Variants in VAT1L observed in about 807,000 individuals in gnomAD.
VAT1L encodes the protein putative NADPH-dependent quinone oxidoreductase VAT1L.
VAT1L carries 34 observed loss-of-function variants against 44.1 expected under a neutral mutation model. The observed-to-expected ratio is 0.77, with a 90% CI of 0.59 to 1.03. VAT1L has a LOEUF of 1.03. Among genes scored for constraint, VAT1L ranks in the 50% least tolerant of loss-of-function variants. The pLI is 0.00. For synonymous variants in VAT1L, 253 were observed against 202.2 expected (o/e 1.25, Z -2.13); for missense variants, 615 against 538.8 (o/e 1.14, Z -1.40).
intron 3 of VAT1L, among the ~76,000 whole-genome samples, chr16:77,857,623 GTTA>G (rs1257605993): frequency 1.3e-5 from 2 of 150,306 alleles, no homozygotes; most frequent in African/African-American, 4.9e-5. Context: ...TCTTAATTGT[GTTA>G]TTAGTAATTC....
chr16:77,791,900 G>A (rs989195778), intron 1 of VAT1L, among the ~76,000 whole-genome samples: 2 of 152,146 alleles, frequency 1.3e-5, no homozygotes, highest in Non-Finnish European at 2.9e-5. Flanking sequence ...GATGGCAGAT[G>A]GATTTCACCA....
intron 7 of VAT1L, among the ~76,000 whole-genome samples, chr16:77,967,152 AGTTTGGGGT>A (rs1007830441): frequency 2.6e-5 from 4 of 152,212 alleles, no homozygotes; most frequent in African/African-American, 9.6e-5. Context: ...ATATGAGAGC[AGTTTGGGGT>A]GTTGACAACA....
rs113496145 is a variant in VAT1L, at chr16:77,977,167, A to T, written c.1162-430A>T. Among the ~76,000 whole-genome samples, 936 of 151,998 alleles carry T rather than the reference A, an allele frequency of 6.2e-3. 12 individuals are homozygous for T. Among genetic ancestry groups the T allele is most frequent in the African/African-American group, 0.021 (873 of 41,452 alleles). On this transcript the variant is annotated intron_variant, in intron 8 of 8. Transcript: ENST00000302536. ...TGCGTGGGGTGCAGGGAGATAACTC[A>T]CCTCCCCTGAGAGCAGCCCTTAGCC...
At chr16:77,972,453 GACT>G (rs2018290617) in intron 8 of VAT1L, among the ~76,000 whole-genome samples, 1 of 152,174 alleles carries the variant, frequency 6.6e-6, no homozygotes, top group Admixed American at 6.5e-5. Context: ...GAGCAGCTGA[GACT>G]ACAGGAGACC....
intron 1 of VAT1L, chr16:77,801,391 A>G (rs1480654134): frequency 2.6e-5 from 4 of 152,238 alleles, no homozygotes; most frequent in Admixed American, 2.6e-4. Context: ...ATAGCTGAAA[A>G]GAACGTTCCG....
intron 7 of VAT1L, among the ~76,000 whole-genome samples, chr16:77,935,443 A>G (rs1218451928): frequency 6.6e-6 from 1 of 151,130 alleles, no homozygotes; most frequent in African/African-American, 2.4e-5. Context: ...ATACCTTCCA[A>G]TTAGCACAAG....
At chr16:77,892,200 G>A (rs1465943420) in intron 7 of VAT1L, among the ~76,000 whole-genome samples, 2 of 152,218 alleles carry the variant, frequency 1.3e-5, no homozygotes, top group African/African-American at 4.8e-5. Context: ...GAAGGGGACA[G>A]AGAGGATGAC....
chr16:77,893,154 T>A (rs1416044389), intron 7 of VAT1L, among the ~76,000 whole-genome samples: 3 of 152,218 alleles, frequency 2.0e-5, no homozygotes, highest in African/African-American at 7.2e-5. Flanking sequence ...AAAAGCAGGC[T>A]GTGTGTGTTG....
intron 6 of VAT1L, among the ~76,000 whole-genome samples, chr16:77,880,848 A>G (rs2017145749): frequency 6.6e-6 from 1 of 151,920 alleles, no homozygotes; most frequent in African/African-American, 2.4e-5. Flanking sequence ...AACATGCAGT[A>G]TTTGTTTTTA....
At chr16:77,860,610 C>A (rs940949063) in intron 3 of VAT1L, among the ~76,000 whole-genome samples, 1 of 152,212 alleles carries the variant, frequency 6.6e-6, no homozygotes, top group African/African-American at 2.4e-5. Flanking sequence ...TTATCTCAAG[C>A]GCTGTCCATA....
intron 7 of VAT1L, among the ~76,000 whole-genome samples, chr16:77,947,971 G>C (rs1172785346): frequency 2.0e-5 from 3 of 152,128 alleles, no homozygotes; most frequent in East Asian, 3.9e-4. Context: ...TGTTGGTCAG[G>C]CTGGTCTCAA....
intron 1 of VAT1L, among the ~76,000 whole-genome samples, chr16:77,793,207 GCTCAAGTGATCCTCCTGC>G (rs1427307244): frequency 6.6e-6 from 1 of 152,092 alleles, no homozygotes; most frequent in Non-Finnish European, 1.5e-5. Context: ...GATCTCCCTG[GCTCAAGTGATCCTCCTGC>G]CTTGACTTCC....
In VAT1L at chr16:77,845,075, T is replaced by C. The variant is rs906374833; in HGVS notation, c.580-17673T>C. ...AGGACTTGCCATCAAGATTAAGTCA[T>C]TGGAAGAGCATTTTCTTCCTAGTCA... On this transcript the variant is annotated intron_variant, in intron 3 of 8. Coordinates refer to ENST00000302536, the MANE Select transcript of VAT1L (RefSeq NM_020927.3). 3.3e-5 allele frequency among the ~76,000 whole-genome samples: 5 copies of C among 152,150 alleles called. No homozygotes were observed. In the East Asian group the frequency reaches 5.8e-4, roughly 18 times the overall value.
At chr16:77,973,166 G>A (rs962365793) in intron 8 of VAT1L, among the ~76,000 whole-genome samples, 5 of 152,174 alleles carry the variant, frequency 3.3e-5, no homozygotes, top group Admixed American at 3.3e-4. Flanking sequence ...TTGAGCCCCT[G>A]TTTATGACCT....
intron 1 of VAT1L, among the ~76,000 whole-genome samples, chr16:77,802,622 ACACACAC>A (rs1567468334): frequency 0.085 from 7,099 of 83,512 alleles, 195 homozygotes; most frequent in Middle Eastern, 0.16. Context: ...TCAAACACAC[ACACACAC>A]ACACACACAC....
chr16:77,841,806 C>G (rs1283655299), intron 3 of VAT1L, among the ~76,000 whole-genome samples: 1 of 152,164 alleles, frequency 6.6e-6, no homozygotes, highest in African/African-American at 2.4e-5. Flanking sequence ...CAAGGAAAAG[C>G]CTGGATTTCA....
chr16:77,868,106 A>G (rs2016994292), intron 4 of VAT1L, among the ~76,000 whole-genome samples: 1 of 152,178 alleles, frequency 6.6e-6, no homozygotes, highest in South Asian at 2.1e-4. Flanking sequence ...CCCTAAATTT[A>G]CATTAGCCTA....
chr16:77,929,863 G>T (rs1361331911), intron 7 of VAT1L, among the ~76,000 whole-genome samples: 1 of 152,196 alleles, frequency 6.6e-6, no homozygotes, highest in Non-Finnish European at 1.5e-5. Flanking sequence ...CCCTCTGGCT[G>T]GGTGTGTAAT....
intron 7 of VAT1L, among the ~76,000 whole-genome samples, chr16:77,942,049 C>T (rs542599462): frequency 1.3e-4 from 20 of 152,168 alleles, no homozygotes; most frequent in Middle Eastern, 3.4e-3. Context: ...GGTTTTGATT[C>T]GCATTTCTCT....
Sources: gnomAD v4.1 joint callset for allele counts (sites outside exome capture counted in the v4.1 genomes callset) on GRCh38, gnomAD v4.1.1 for gene constraint, MANE v1.5 for transcripts, NCBI Gene and HGNC (gene_info 2026-07-23, HGNC 2026-07-21) for gene names.